Variants in NCAM1 observed in about 807,000 individuals in gnomAD.
NCAM1 encodes the protein neural cell adhesion molecule 1, also known as antigen recognized by monoclonal antibody 5.1H11.
NCAM1 carries 14 observed loss-of-function variants against 109.8 expected under a neutral mutation model. The observed-to-expected ratio is 0.13, with a 90% CI of 0.08 to 0.20. The LOEUF (loss-of-function observed/expected upper bound fraction) is 0.20. Ranked by LOEUF, NCAM1 falls within the 10% of genes least tolerant of loss-of-function variation. NCAM1 has a pLI of 1.00. For synonymous variants in NCAM1, 418 were observed against 442.9 expected (o/e 0.94, Z 0.70); for missense variants, 774 against 1,109.9 (o/e 0.70, Z 4.30).
chr11:113,013,739 T>A lies in NCAM1; in HGVS notation c.52+52075T>A, dbSNP rs114799081. ...AAGACTGTGTGTTATATTAGCCAAG[T>A]TAAAGTCAATATTAGCCAAGTTAAC... is the stretch of plus-strand genomic sequence containing the variant. On this transcript the variant is annotated intron_variant, in intron 1 of 19. Coordinates refer to ENST00000316851, the MANE Select transcript of NCAM1 (RefSeq NM_181351.5). Among the ~76,000 whole-genome samples, 1,304 of 152,340 alleles carry A rather than the reference T, an allele frequency of 8.6e-3. 22 individuals carry two copies. The highest frequency in any genetic ancestry group is 0.03 in the African/African-American group (1,233 of 41,572).
intron 1 of NCAM1, among the ~76,000 whole-genome samples, chr11:113,103,841 A>G (rs1382650270): frequency 6.6e-6 from 1 of 152,130 alleles, no homozygotes; most frequent in Non-Finnish European, 1.5e-5. Context: ...GTGTTCCAAT[A>G]AACTTTCATT....
At chr11:112,994,626 T>C (rs1377120279) in intron 1 of NCAM1, among the ~76,000 whole-genome samples, 1 of 152,170 alleles carries the variant, frequency 6.6e-6, no homozygotes, top group Non-Finnish European at 1.5e-5. Context: ...CTGTAACTTA[T>C]TTCTTAGTCC....
intron 1 of NCAM1, among the ~76,000 whole-genome samples, chr11:113,106,490 C>G (rs1301804481): frequency 1.3e-5 from 2 of 152,184 alleles, no homozygotes; most frequent in Non-Finnish European, 2.9e-5. Context: ...GTTGAGTTGT[C>G]TCCCATCTTG....
chr11:113,001,811 A>G (rs1951760425), intron 1 of NCAM1, among the ~76,000 whole-genome samples: 1 of 152,192 alleles, frequency 6.6e-6, no homozygotes, highest in Non-Finnish European at 1.5e-5. Flanking sequence ...GATAAAAAAA[A>G]AACTCCAGTG....
chr11:113,114,885 T>TA (rs1208273613), intron 1 of NCAM1, among the ~76,000 whole-genome samples: 2 of 152,140 alleles, frequency 1.3e-5, no homozygotes, highest in Admixed American at 1.3e-4. Flanking sequence ...ATACCAGAAA[T>TA]ATATAAATTA....
chr11:113,101,056 G>T (rs1460945965), intron 1 of NCAM1, among the ~76,000 whole-genome samples: 1 of 152,166 alleles, frequency 6.6e-6, no homozygotes, highest in African/African-American at 2.4e-5. Flanking sequence ...GAGCCTGGTT[G>T]TATTCAAATT....
intron 1 of NCAM1, among the ~76,000 whole-genome samples, chr11:113,199,834 A>AGG (rs1943990232): frequency 6.6e-6 from 1 of 150,452 alleles, no homozygotes; most frequent in African/African-American, 2.5e-5. Flanking sequence ...ACCCTTAAAA[A>AGG]AAAAAAAAAA....
At chr11:113,151,082 G>T (rs558883269) in intron 1 of NCAM1, among the ~76,000 whole-genome samples, 1 of 152,306 alleles carries the variant, frequency 6.6e-6, no homozygotes, top group South Asian at 2.1e-4. Context: ...GCCAGGTAAT[G>T]GTGCTTGTGC....
chr11:113,153,475 A>AGTGTGT (rs148147482), intron 1 of NCAM1, among the ~76,000 whole-genome samples: 4 of 148,668 alleles, frequency 2.7e-5, no homozygotes, highest in Admixed American at 6.7e-5. Context: ...AGAGAGAGAG[A>AGTGTGT]GTGTGTGTGT....
intron 1 of NCAM1, among the ~76,000 whole-genome samples, chr11:113,105,805 G>C (rs1199049860): frequency 1.3e-5 from 2 of 152,194 alleles, no homozygotes; most frequent in African/African-American, 2.4e-5. Context: ...GTTATGGGAT[G>C]ATGAAAATGT....
At chr11:113,268,159 G>T (rs868917123) in intron 17 of NCAM1, among the ~76,000 whole-genome samples, 3 of 152,234 alleles carry the variant, frequency 2.0e-5, no homozygotes, top group Non-Finnish European at 4.4e-5. Flanking sequence ...GACCAAGAAG[G>T]CCTGTGTCTC....
At chr11:112,974,745 T>A (rs1950963594) in intron 1 of NCAM1, among the ~76,000 whole-genome samples, 1 of 151,884 alleles carries the variant, frequency 6.6e-6, no homozygotes, top group African/African-American at 2.4e-5. Context: ...AAATTGAGCC[T>A]TCTGCTGAGG....
intron 1 of NCAM1, among the ~76,000 whole-genome samples, chr11:113,018,884 AT>A (rs201377235): frequency 1.4e-4 from 21 of 151,280 alleles, no homozygotes; most frequent in East Asian, 1.2e-3. Context: ...AAAATTACCT[AT>A]TTTTTTTTCC....
chr11:113,004,065 G>A (rs1163553107), intron 1 of NCAM1, among the ~76,000 whole-genome samples: 1 of 152,198 alleles, frequency 6.6e-6, no homozygotes, highest in East Asian at 1.9e-4. Context: ...TCTTCCAACC[G>A]TGGAAAAACA....
chr11:113,209,300 C>A (rs573034173), intron 7 of NCAM1, among the ~76,000 whole-genome samples: 1 of 152,260 alleles, frequency 6.6e-6, no homozygotes, highest in South Asian at 2.1e-4. Flanking sequence ...ATGCAAATGT[C>A]CTGCTAGTTA....
At chr11:113,003,038 G>C (rs1424711365) in intron 1 of NCAM1, among the ~76,000 whole-genome samples, 2 of 152,184 alleles carry the variant, frequency 1.3e-5, no homozygotes, top group Admixed American at 6.5e-5. Flanking sequence ...TCATAGTTCA[G>C]GCATTTCCTT....
At chr11:113,073,658 T>A (rs910326814) in intron 1 of NCAM1, among the ~76,000 whole-genome samples, 2 of 152,220 alleles carry the variant, frequency 1.3e-5, no homozygotes, top group East Asian at 3.8e-4. Context: ...TATGGAAGCA[T>A]CTTGCTCCAA....
At chr11:112,972,210 T>C (rs1950902979) in intron 1 of NCAM1, among the ~76,000 whole-genome samples, 2 of 152,240 alleles carry the variant, frequency 1.3e-5, no homozygotes, top group African/African-American at 2.4e-5. Context: ...AGTATGTGTG[T>C]TCCCTGTTTG....
In NCAM1 at chr11:113,140,798, A is replaced by T. The variant is rs979652776; in HGVS notation, c.53-61581A>T. 3.3e-5 allele frequency among the ~76,000 whole-genome samples: 5 copies of T among 152,228 alleles called. No homozygotes were observed. The South Asian group carries it at 6.2e-4, about 19-fold the overall frequency. The stretch of plus-strand genomic sequence containing the variant: ...ATGTGTATTTATTGTTTTATAAATT[A>T]TATGTATGTGTCATTAGCTAATACC... On this transcript the variant is annotated intron_variant, in intron 1 of 19. Transcript: ENST00000316851.
Sources: allele counts gnomAD v4.1 joint callset (sites outside exome capture counted in the v4.1 genomes callset), GRCh38; gene constraint gnomAD v4.1.1; transcripts MANE v1.5; gene names NCBI Gene and HGNC (gene_info 2026-07-23, HGNC 2026-07-21).